MTA3: variants seen among roughly 807,000 people sequenced by gnomAD.
MTA3 encodes the protein metastasis associated 1 family member 3, also known as metastasis-associated protein MTA3.
MTA3 carries 34 observed loss-of-function variants against 83.5 expected under a neutral mutation model. The ratio of observed to expected loss-of-function variants is 0.41; its 90% CI spans 0.31 to 0.54. The LOEUF is 0.54. MTA3 is among the 20% of genes least tolerant of loss of function. MTA3 has a pLI of 0.33. For missense variants in MTA3, 761 were observed against 726.4 expected (o/e 1.05, Z -0.55); for synonymous variants, 303 against 252.7 (o/e 1.20, Z -1.89).
intron 2 of MTA3, among the ~76,000 whole-genome samples, chr2:42,530,322 C>A (rs1172175558): frequency 1.3e-5 from 2 of 151,668 alleles, no homozygotes; most frequent in African/African-American, 4.8e-5. Context: ...ACCGTCTCTA[C>A]TAAAAATACA....
intron 4 of MTA3, among the ~76,000 whole-genome samples, chr2:42,611,501 A>C (rs2104102402): frequency 6.6e-6 from 1 of 152,236 alleles, no homozygotes; most frequent in South Asian, 2.1e-4. Flanking sequence ...TCACCCCCAT[A>C]GAAAACCTCA....
At chr2:42,577,913 C>G (rs1302186130) in intron 2 of MTA3, among the ~76,000 whole-genome samples, 2 of 152,150 alleles carry the variant, frequency 1.3e-5, no homozygotes, top group Non-Finnish European at 2.9e-5. Context: ...ATTTTATTTA[C>G]ATGGAAATTT....
At chr2:42,530,052 G>A (rs1044196935) in intron 2 of MTA3, among the ~76,000 whole-genome samples, 7 of 151,960 alleles carry the variant, frequency 4.6e-5, no homozygotes, top group African/African-American at 9.7e-5. Context: ...GGGCGTGGTG[G>A]TGGGCGCCTG....
At chr2:42,501,576 C>G (rs1182002416) in intron 2 of MTA3, among the ~76,000 whole-genome samples, 1 of 152,220 alleles carries the variant, frequency 6.6e-6, no homozygotes, top group Non-Finnish European at 1.5e-5. Context: ...CTTGAGTCCA[C>G]TACCCAATGC....
chr2:42,505,551 C>T (rs1674592505), intron 2 of MTA3, among the ~76,000 whole-genome samples: 1 of 151,980 alleles, frequency 6.6e-6, no homozygotes, highest in Admixed American at 6.6e-5. Flanking sequence ...CACTAAGCAC[C>T]CCCCTGGAGG....
At chr2:42,714,449 C>G (rs1666881006) in intron 14 of MTA3, among the ~76,000 whole-genome samples, 1 of 151,964 alleles carries the variant, frequency 6.6e-6, no homozygotes. Context: ...GTTCTAGAAG[C>G]AAACTCTACT....
intron 6 of MTA3, among the ~76,000 whole-genome samples, chr2:42,646,112 A>C (rs1688156384): frequency 6.6e-6 from 1 of 152,230 alleles, no homozygotes; most frequent in South Asian, 2.1e-4. Context: ...CCTAAATGAC[A>C]GCACCTCTAT....
intron 2 of MTA3, among the ~76,000 whole-genome samples, chr2:42,553,398 TG>T (rs1677215597): frequency 7.6e-6 from 1 of 132,360 alleles, no homozygotes; most frequent in Non-Finnish European, 1.5e-5. Flanking sequence ...CACTCCAGCC[TG>T]GGCGAGAGAG....
chr2:42,617,784 TA>T (rs36088935), intron 4 of MTA3, among the ~76,000 whole-genome samples: 23 of 146,110 alleles, frequency 1.6e-4, no homozygotes, highest in East Asian at 2.0e-4. Context: ...CTCTAAAAAA[TA>T]AAAAAAAAAA....
rs76637179 is a variant in MTA3, at chr2:42,737,593, G to C, written c.1759+14558G>C. ...TCTTCAATTTGGTGTTCCTTCAGCA[G>C]GGACAATTGCTGAAGGCTTCTATTT... On this transcript the variant is annotated intron_variant, in intron 16 of 16. Transcript: ENST00000405094. Among the ~76,000 whole-genome samples the C allele has an allele frequency of 5.5e-3, 837 of 152,266 alleles. 11 individuals are homozygous for C. The highest frequency in any genetic ancestry group is 0.019 in the African/African-American group (800 of 41,548).
At chr2:42,709,405 T>C in intron 14 of MTA3, 1 of 828,774 alleles carries the variant, frequency 1.2e-6, no homozygotes, top group Non-Finnish European at 1.6e-6. Context: ...GAGCCCTTAT[T>C]GAAGCACTTT....
intron 8 of MTA3, among the ~76,000 whole-genome samples, chr2:42,674,250 TG>T (rs1691120760): frequency 6.6e-6 from 1 of 152,234 alleles, no homozygotes; most frequent in African/African-American, 2.4e-5. Flanking sequence ...AATACTCTCC[TG>T]TGGAGGTGTG....
Position 42,604,569 on chromosome 2 carries a change from C to CTTTT in MTA3, c.191-4888_191-4885dup, listed in dbSNP as rs1323312162. Among the ~76,000 whole-genome samples, 23 of 47,262 alleles carry CTTTT rather than the reference C, an allele frequency of 4.9e-4. 1 individual carries two copies. Among genetic ancestry groups the CTTTT allele is most frequent in the African/African-American group, 1.6e-3 (10 of 6,138 alleles). 31.0% of individuals were successfully genotyped at this position (47,262 alleles called of 152,430 possible). ...CTTACTTGGTCTGCTCTGAATGTTT[C>CTTTT]TTTTCTTTTTTTTTTTTTTTAATTT... is the stretch of plus-strand genomic sequence containing the variant. On this transcript the variant is annotated intron_variant, in intron 3 of 16. Transcript: ENST00000405094.
intron 2 of MTA3, among the ~76,000 whole-genome samples, chr2:42,529,474 C>T (rs1254798624): frequency 6.6e-6 from 1 of 152,154 alleles, no homozygotes; most frequent in Non-Finnish European, 1.5e-5. Context: ...CAACTGAGAG[C>T]CAAGAGAGAA....
rs549119481 is a variant in MTA3, at chr2:42,737,382, C to T, written c.1759+14347C>T. On this transcript the variant is annotated intron_variant, in intron 16 of 16. Coordinates refer to ENST00000405094, the MANE Select transcript of MTA3 (RefSeq NM_001330442.2). ...TGTGGGCACCGGCTGAGTTCTGCCT[C>T]GTATTGCTTTCCACTGTGTCAGGGC... Among the ~76,000 whole-genome samples the T allele has an allele frequency of 7.9e-5, 12 of 152,294 alleles. No homozygotes were observed. In the South Asian group the frequency reaches 2.1e-3, roughly 26 times the overall value.
At chr2:42,673,554 A>G (rs1354199901) in intron 8 of MTA3, among the ~76,000 whole-genome samples, 1 of 152,168 alleles carries the variant, frequency 6.6e-6, no homozygotes, top group African/African-American at 2.4e-5. Context: ...ATAATACTGC[A>G]TTTTACAGGT....
chr2:42,549,544 C>G (rs1490630362), intron 2 of MTA3, among the ~76,000 whole-genome samples: 12 of 52,438 alleles, frequency 2.3e-4, no homozygotes, highest in African/African-American at 1.1e-3. Context: ...ACATATATTA[C>G]ATAATATATA....
chr2:42,556,287 T>C (rs963536481), intron 2 of MTA3, among the ~76,000 whole-genome samples: 10 of 152,116 alleles, frequency 6.6e-5, no homozygotes, highest in African/African-American at 2.4e-4. Flanking sequence ...GAGAGGAAGC[T>C]GGGAGCTGAT....
rs765044429 is a variant in MTA3 at position 42,609,472 on chromosome 2, G to A, written c.205G>A (p.Glu69Lys). Residue 69 changes from glutamate (E) to lysine (K), a missense_variant, in exon 4 of 17, where the codon GAA becomes AAA. Coordinates refer to ENST00000405094, the MANE Select transcript of MTA3 (RefSeq NM_001330442.2). ...TATTTGTGTAGAAGAAATTGAGGAA[G>A]AATCTGAAACAACAGTTGAGGCTGA... ...ADKHAKEIEE[E>K]SETTVEADLT... 6.2e-7 allele frequency: 1 copy of A among 1,613,584 alleles called. No homozygotes were observed. Among genetic ancestry groups the A allele is most frequent in the East Asian group, 2.2e-5 (1 of 44,860 alleles).
Sources: allele counts gnomAD v4.1 joint callset (sites outside exome capture counted in the v4.1 genomes callset), GRCh38; gene constraint gnomAD v4.1.1; transcripts MANE v1.5; gene names NCBI Gene and HGNC (gene_info 2026-07-23, HGNC 2026-07-21).